C16orf74: variants seen among roughly 807,000 people sequenced by gnomAD.
C16orf74 encodes uncharacterized protein C16orf74.
C16orf74 carries 10 observed loss-of-function variants against 6.5 expected under a neutral mutation model. That is an observed-to-expected ratio of 1.54 (90% CI 0.95 to 2.61). The LOEUF (loss-of-function observed/expected upper bound fraction) is 2.61, where lower values mean the gene tolerates loss of function less well. Ranked by LOEUF, C16orf74 falls within the 30% of genes most tolerant of loss-of-function variation. The pLI is 0.00. For missense variants in C16orf74, 141 were observed against 105.9 expected (o/e 1.33, Z -1.45); for synonymous variants, 60 against 42.5 (o/e 1.41, Z -1.60).
intron 2 of C16orf74, among the ~76,000 whole-genome samples, chr16:85,719,439 G>A (rs1395067061): frequency 6.6e-6 from 1 of 152,138 alleles, no homozygotes; most frequent in East Asian, 1.9e-4. Context: ...CAGTGCTTGT[G>A]GGAGGCTGGA....
intron 2 of C16orf74, among the ~76,000 whole-genome samples, chr16:85,724,372 G>T (rs1020267001): frequency 6.6e-6 from 1 of 152,206 alleles, no homozygotes; most frequent in South Asian, 2.1e-4. Flanking sequence ...CAGGGAACGA[G>T]GGGGAGGCTC....
At chr16:85,738,389 A>G (rs1347727475) in intron 1 of C16orf74, among the ~76,000 whole-genome samples, 1 of 145,320 alleles carries the variant, frequency 6.9e-6, no homozygotes, top group East Asian at 2.0e-4. Context: ...CAGTGGCGTG[A>G]CCTTGGCTCA....
intron 2 of C16orf74, among the ~76,000 whole-genome samples, chr16:85,728,533 C>T (rs1358524986): frequency 6.6e-6 from 1 of 152,138 alleles, no homozygotes; most frequent in Non-Finnish European, 1.5e-5. Flanking sequence ...ACCCCGCCCC[C>T]ACAGAACCTC....
rs138640788 is a variant in C16orf74, at chr16:85,729,335, G to A, written c.28+5855C>T. On this transcript the variant is annotated intron_variant, in intron 2 of 3. Coordinates refer to ENST00000284245, the MANE Select transcript of C16orf74 (RefSeq NM_206967.3). Reference sequence around the variant, plus strand: ...TTTCTTTGGCCTGTGGGACACTCCCGTGGGTCACAGTCACCATGGCCAGGC... The same window carrying A: ...TTTCTTTGGCCTGTGGGACACTCCCATGGGTCACAGTCACCATGGCCAGGC... 4.0e-3 allele frequency among the ~76,000 whole-genome samples: 616 copies of A among 152,360 alleles called. 4 individuals carry two copies. Among genetic ancestry groups the A allele is most frequent in the African/African-American group, 0.013 (561 of 41,588 alleles).
intron 1 of C16orf74, among the ~76,000 whole-genome samples, chr16:85,737,798 T>C (rs2054260576): frequency 6.6e-6 from 1 of 152,058 alleles, no homozygotes; most frequent in South Asian, 2.1e-4. Context: ...GCCACTGCAC[T>C]CCAGCTTGGG....
intron 2 of C16orf74, among the ~76,000 whole-genome samples, chr16:85,717,266 C>T (rs117137568): frequency 0.011 from 1,622 of 152,312 alleles, 9 homozygotes; most frequent in Non-Finnish European, 0.015. Flanking sequence ...TCCAGGACAG[C>T]GGTTCCCATC....
chr16:85,729,361 C>T (rs899953300), intron 2 of C16orf74, among the ~76,000 whole-genome samples: 2 of 152,352 alleles, frequency 1.3e-5, no homozygotes, highest in Admixed American at 1.3e-4. Context: ...ATGGCCAGGC[C>T]CTTGAGCAGA....
At chr16:85,725,870 CT>C (rs2054128006) in intron 2 of C16orf74, among the ~76,000 whole-genome samples, 1 of 152,184 alleles carries the variant, frequency 6.6e-6, no homozygotes, top group African/African-American at 2.4e-5. Flanking sequence ...TTCCGAAGTG[CT>C]GGCCTGTATT....
At chr16:85,730,098 CT>C (rs2054172710) in intron 2 of C16orf74, among the ~76,000 whole-genome samples, 1 of 152,146 alleles carries the variant, frequency 6.6e-6, no homozygotes, top group South Asian at 2.1e-4. Flanking sequence ...CTCAGAGCCC[CT>C]GGGGGAGCTG....
At chr16:85,710,096 C>T in intron 3 of C16orf74, 68 bp downstream of exon 3, 7 of 1,315,188 alleles carry the variant, frequency 5.3e-6, no homozygotes, top group Non-Finnish European at 6.9e-6. Flanking sequence ...AGGAAGGACG[C>T]CCCTGAGAGC....
At chr16:85,734,950 T>C (rs1317354470) in intron 2 of C16orf74, among the ~76,000 whole-genome samples, 2 of 152,176 alleles carry the variant, frequency 1.3e-5, no homozygotes, top group African/African-American at 4.8e-5. Context: ...AGGGGGAAAC[T>C]GAGGCCCCAA....
chr16:85,713,008 G>C lies in C16orf74; in HGVS notation c.29-2701C>G, dbSNP rs192584473. Among the ~76,000 whole-genome samples, 14 of 152,212 alleles carry C rather than the reference G, an allele frequency of 9.2e-5. No individual in the cohort carries two copies. In the East Asian group the frequency reaches 2.1e-3, roughly 23 times the overall value. On this transcript the variant is annotated intron_variant, in intron 2 of 3. Transcript: ENST00000284245. ...GGAGCCCCAGTGCCTTCGTCTCCTGGGGTTGCCACAACAAAGCACCGTCAA... is the reference window on the plus strand; with the variant it reads ...GGAGCCCCAGTGCCTTCGTCTCCTGCGGTTGCCACAACAAAGCACCGTCAA...
At chr16:85,714,254 G>C (rs2053997319) in intron 2 of C16orf74, among the ~76,000 whole-genome samples, 1 of 152,038 alleles carries the variant, frequency 6.6e-6, no homozygotes, top group South Asian at 2.1e-4. Flanking sequence ...CCTGTGCACA[G>C]CCACTCACTT....
At position 85,738,515 on chromosome 16, in the gene C16orf74, G is replaced by T. The variant is rs112860518; in HGVS notation, c.-18-3280C>A. Among the ~76,000 whole-genome samples, 34 of 150,408 alleles carry T rather than the reference G, an allele frequency of 2.3e-4. 1 individual carries two copies. Among genetic ancestry groups the T allele is most frequent in the Admixed American group, 1.8e-3 (27 of 15,126 alleles). On this transcript the variant is annotated intron_variant, in intron 1 of 3. Coordinates refer to ENST00000284245, the MANE Select transcript of C16orf74 (RefSeq NM_206967.3). ...AATTTTTTTTTTTTCATTTTTAGTA[G>T]AAATGGGATTTTGTCATGTTGGCCA...
At chr16:85,747,194 C>A (rs768253484) in intron 1 of C16orf74, among the ~76,000 whole-genome samples, 1 of 152,118 alleles carries the variant, frequency 6.6e-6, no homozygotes, top group South Asian at 2.1e-4. Flanking sequence ...GATTTGAGCA[C>A]CTTTCTGTAC....
intron 1 of C16orf74, among the ~76,000 whole-genome samples, chr16:85,736,036 C>G (rs2054240960): frequency 6.6e-6 from 1 of 152,126 alleles, no homozygotes; most frequent in African/African-American, 2.4e-5. Context: ...CCAGGACTGT[C>G]CTAATCCCTA....
At chr16:85,736,569 A>C (rs1335354710) in intron 1 of C16orf74, among the ~76,000 whole-genome samples, 1 of 151,960 alleles carries the variant, frequency 6.6e-6, no homozygotes, top group Non-Finnish European at 1.5e-5. Context: ...GGCCTTGGGA[A>C]GGGAGGGAAA....
chr16:85,727,342 G>A (rs374776581), intron 2 of C16orf74, among the ~76,000 whole-genome samples: 2 of 152,178 alleles, frequency 1.3e-5, no homozygotes, highest in African/African-American at 2.4e-5. Flanking sequence ...TGAGCCCCCC[G>A]AGCGAGGGAG....
chr16:85,726,523 G>C (rs974348460), intron 2 of C16orf74, among the ~76,000 whole-genome samples: 3 of 152,146 alleles, frequency 2.0e-5, no homozygotes, highest in Non-Finnish European at 4.4e-5. Flanking sequence ...CCTCCCCCAG[G>C]ATCCCCGCAG....
Sources: allele counts gnomAD v4.1 joint callset (sites outside exome capture counted in the v4.1 genomes callset), GRCh38; gene constraint gnomAD v4.1.1; transcripts MANE v1.5; gene names NCBI Gene and HGNC (gene_info 2026-07-23, HGNC 2026-07-21).